The following FMN2 variants were observed in gnomAD, a reference collection of about 807,000 sequenced individuals.
FMN2 encodes formin 2.
A neutral mutation model predicts 142.3 loss-of-function variants in FMN2; 51 were observed. The observed-to-expected ratio is 0.36, with a 90% CI of 0.29 to 0.45. The LOEUF is 0.45. Ranked by LOEUF, FMN2 falls within the 20% of genes least tolerant of loss-of-function variation. The probability of loss-of-function intolerance (pLI) is 1.00; values close to 1 mark genes in which losing one functional copy is unlikely to be tolerated. For synonymous variants in FMN2, 882 were observed against 869.8 expected (o/e 1.01, Z -0.25); for missense variants, 1,936 against 2,122.8 (o/e 0.91, Z 1.73).
intron 16 of FMN2, among the ~76,000 whole-genome samples, chr1:240,459,887 T>C (rs1676391366): frequency 6.6e-6 from 1 of 152,274 alleles, no homozygotes; most frequent in East Asian, 1.9e-4. Context: ...TCAGAAATGC[T>C]TTCACCAAGT....
chr1:240,114,846 T>C (rs6698220), intron 1 of FMN2, among the ~76,000 whole-genome samples: 90,839 of 151,482 alleles, frequency 0.6, 27,381 homozygotes, highest in Non-Finnish European at 0.62. Flanking sequence ...TTAGTAGAGA[T>C]GGGGTTTCAC....
chr1:240,228,792 C>CTT lies in FMN2; in HGVS notation c.4065+17564_4065+17565dup, dbSNP rs143152794. Among the ~76,000 whole-genome samples, 68 of 151,764 alleles carry CTT rather than the reference C, an allele frequency of 4.5e-4. 1 individual carries two copies. The highest frequency in any genetic ancestry group is 1.0e-3 in the South Asian group (5 of 4,808). On this transcript the variant is annotated intron_variant, in intron 6 of 17. Coordinates refer to ENST00000319653, the MANE Select transcript of FMN2 (RefSeq NM_020066.5). ...CAACCTCAAAAAACCTTAAGATAAACTTTTTTTTCCCTAAAAATAAATGGT... is the reference window on the plus strand; with the variant it reads ...CAACCTCAAAAAACCTTAAGATAAACTTTTTTTTTTCCCTAAAAATAAATGGT...
intron 4 of FMN2, among the ~76,000 whole-genome samples, chr1:240,191,593 T>C (rs1665703147): frequency 6.6e-6 from 1 of 152,264 alleles, no homozygotes; most frequent in African/African-American, 2.4e-5. Flanking sequence ...ATTAAAATCT[T>C]TGCCATTTGA....
At chr1:240,268,934 CAT>C (rs752594836) in intron 7 of FMN2, among the ~76,000 whole-genome samples, 2 of 151,916 alleles carry the variant, frequency 1.3e-5, no homozygotes, top group African/African-American at 2.4e-5. Flanking sequence ...TATATTTAGA[CAT>C]ATAAATATAT....
At chr1:240,185,759 G>C (rs560726614) in intron 3 of FMN2, among the ~76,000 whole-genome samples, 3 of 152,180 alleles carry the variant, frequency 2.0e-5, no homozygotes, top group Non-Finnish European at 4.4e-5. Context: ...CTTGTGGCAC[G>C]ATCTAAATAG....
chr1:240,195,360 A>G (rs1044014071), intron 4 of FMN2, among the ~76,000 whole-genome samples: 1 of 151,950 alleles, frequency 6.6e-6, no homozygotes, highest in African/African-American at 2.4e-5. Context: ...TGTTGGTTTT[A>G]CTGTTCGAAA....
At chr1:240,294,785 G>T in intron 7 of FMN2, 37 bp from the exon 8 acceptor site, 1 of 1,604,236 alleles carries the variant, frequency 6.2e-7, no homozygotes, top group Non-Finnish European at 8.5e-7. Context: ...TTCACAGGTG[G>T]CTTATGGCAA....
At chr1:240,143,425 G>A in intron 2 of FMN2, 1 of 1,428,200 alleles carries the variant, frequency 7.0e-7, no homozygotes, top group Non-Finnish European at 9.9e-7. Flanking sequence ...CCCCAGAACA[G>A]CCACTCCCTG....
chr1:240,281,191 T>C (rs1489846663), intron 7 of FMN2, among the ~76,000 whole-genome samples: 1 of 152,124 alleles, frequency 6.6e-6, no homozygotes, highest in African/African-American at 2.4e-5. Flanking sequence ...TGTTGGATTG[T>C]GTATGGGATT....
At chr1:240,142,794 G>A (rs1383879667) in intron 2 of FMN2, 1 of 1,587,384 alleles carries the variant, frequency 6.3e-7, no homozygotes, top group African/African-American at 1.3e-5. Flanking sequence ...GGTTGTATGT[G>A]TCTGGAACCC....
At chr1:240,192,797 A>G (rs1665756860) in intron 4 of FMN2, among the ~76,000 whole-genome samples, 1 of 152,000 alleles carries the variant, frequency 6.6e-6, no homozygotes, top group South Asian at 2.1e-4. Context: ...GATAGGTAAC[A>G]TTTTGAAAGG....
At chr1:240,361,607 G>A (rs1440634178) in intron 14 of FMN2, among the ~76,000 whole-genome samples, 1 of 152,166 alleles carries the variant, frequency 6.6e-6, no homozygotes, top group Non-Finnish European at 1.5e-5. Context: ...TGAGTATCTG[G>A]GTGAGTGGGG....
chr1:240,299,107 C>T (rs561319311), intron 8 of FMN2, among the ~76,000 whole-genome samples: 4 of 152,052 alleles, frequency 2.6e-5, no homozygotes, highest in South Asian at 2.1e-4. Flanking sequence ...ACCGCCACAC[C>T]GGGCTAATTT....
intron 15 of FMN2, among the ~76,000 whole-genome samples, chr1:240,410,901 C>G (rs896722910): frequency 3.9e-5 from 6 of 152,108 alleles, no homozygotes; most frequent in Non-Finnish European, 7.4e-5. Context: ...CTAGCCAACC[C>G]TACCCTCTCT....
intron 14 of FMN2, among the ~76,000 whole-genome samples, chr1:240,371,190 C>A (rs1483630468): frequency 4.6e-5 from 7 of 152,046 alleles, no homozygotes; most frequent in Admixed American, 4.6e-4. Context: ...GAACTCCTGG[C>A]CTCAAGTGAT....
intron 15 of FMN2, among the ~76,000 whole-genome samples, chr1:240,394,748 A>G (rs965926356): frequency 5.9e-5 from 9 of 152,048 alleles, no homozygotes; most frequent in African/African-American, 2.2e-4. Flanking sequence ...CGGGTGAATC[A>G]CCTGAGGTCA....
chr1:240,199,715 G>T (rs1666056881), intron 4 of FMN2, among the ~76,000 whole-genome samples: 1 of 151,944 alleles, frequency 6.6e-6, no homozygotes, highest in Non-Finnish European at 1.5e-5. Context: ...TATGATTTAG[G>T]GTTTTGAAAC....
intron 16 of FMN2, among the ~76,000 whole-genome samples, chr1:240,455,377 G>C (rs1676205221): frequency 6.6e-6 from 1 of 152,114 alleles, no homozygotes; most frequent in Non-Finnish European, 1.5e-5. Flanking sequence ...AGTTAGCTGG[G>C]TGTGGTGGCA....
chr1:240,109,046 C>CA (rs1661711129), intron 1 of FMN2, among the ~76,000 whole-genome samples: 1 of 151,854 alleles, frequency 6.6e-6, no homozygotes, highest in East Asian at 1.9e-4. Context: ...AAAAACACCC[C>CA]AAAAAACCCA....
Sources: allele counts gnomAD v4.1 joint callset (sites outside exome capture counted in the v4.1 genomes callset), GRCh38; gene constraint gnomAD v4.1.1; transcripts MANE v1.5; gene names NCBI Gene and HGNC (gene_info 2026-07-23, HGNC 2026-07-21).